GLIPR1L1: variants seen among roughly 807,000 people sequenced by gnomAD.
GLIPR1L1 encodes the protein GLIPR1 like 1.
Under a neutral mutation model 29.9 loss-of-function variants are expected in GLIPR1L1, and 26 were observed. The ratio of observed to expected loss-of-function variants is 0.87; its 90% confidence interval spans 0.64 to 1.21. The LOEUF is 1.21. Ranked by LOEUF, GLIPR1L1 falls within the 50% of genes most tolerant of loss-of-function variation. The pLI is 0.00. For synonymous variants in GLIPR1L1, 77 were observed against 97.5 expected (o/e 0.79, Z 1.24); for missense variants, 305 against 290.3 (o/e 1.05, Z -0.37).
At chr12:75,334,936 C>T in intron 1 of GLIPR1L1, 34 bp downstream of exon 1, 1 of 1,577,470 alleles carries the variant, frequency 6.3e-7, no homozygotes, top group Non-Finnish European at 8.7e-7. Flanking sequence ...TCTTAAATCC[C>T]TGACTCATCC....
chr12:75,364,493 G>A (rs909483228), intron 4 of GLIPR1L1, among the ~76,000 whole-genome samples: 2 of 152,214 alleles, frequency 1.3e-5, no homozygotes, highest in Non-Finnish European at 2.9e-5. Flanking sequence ...AAGGGACCTA[G>A]ATCCAAAAAC....
At chr12:75,350,880 T>A (rs891876013) in intron 3 of GLIPR1L1, among the ~76,000 whole-genome samples, 7 of 152,162 alleles carry the variant, frequency 4.6e-5, no homozygotes, top group Non-Finnish European at 1.0e-4. Context: ...GTTCAGAAGA[T>A]GCATAATAAT....
rs528909914 is a variant in GLIPR1L1, at chr12:75,340,055, T to C, written c.175-3638T>C. ...ATTAGAATAATGGTCTCCAACTCCA[T>C]CCAGGTTGCTGCAAATGCCATTATT... On this transcript the variant is annotated intron_variant, in intron 1 of 5. Coordinates refer to ENST00000378695, the MANE Select transcript of GLIPR1L1 (RefSeq NM_001304964.2). Among the ~76,000 whole-genome samples, 15 of 152,136 alleles carry C rather than the reference T, an allele frequency of 9.9e-5. No homozygotes were observed. The South Asian group carries it at 2.7e-3, about 27-fold the overall frequency.
At chr12:75,342,604 T>C (rs2042192064) in intron 1 of GLIPR1L1, among the ~76,000 whole-genome samples, 1 of 152,178 alleles carries the variant, frequency 6.6e-6, no homozygotes, top group Non-Finnish European at 1.5e-5. Flanking sequence ...TTATGATAAA[T>C]ATTGATATCT....
At chr12:75,337,919 T>G (rs2041847968) in intron 1 of GLIPR1L1, among the ~76,000 whole-genome samples, 1 of 152,100 alleles carries the variant, frequency 6.6e-6, no homozygotes, top group African/African-American at 2.4e-5. Flanking sequence ...ACAGGGATAT[T>G]TAACCAATGT....
chr12:75,361,476 C>T (rs2043588086), intron 3 of GLIPR1L1, among the ~76,000 whole-genome samples: 1 of 152,190 alleles, frequency 6.6e-6, no homozygotes, highest in African/African-American at 2.4e-5. Flanking sequence ...CTGCCTCCTG[C>T]CACTCTCAAC....
rs576238277 is a variant in GLIPR1L1, at chr12:75,370,366, C to A, written c.*190C>A. ...AAAATGGATAGCAGTAGAATAAAGT[C>A]TTAAGATTATTTTTTAATTACAAAT... is the stretch of plus-strand genomic sequence containing the variant. On this transcript the variant is annotated 3_prime_UTR_variant, in exon 6 of 6. Transcript: ENST00000378695. 5 of 446,920 alleles carry A rather than the reference C, an allele frequency of 1.1e-5. No homozygotes were observed. The highest frequency in any genetic ancestry group is 9.8e-5 in the East Asian group (3 of 30,744). The allele number at this position is 446,920 out of a possible 1,614,324, so 27.7% of individuals were successfully genotyped here.
intron 3 of GLIPR1L1, among the ~76,000 whole-genome samples, chr12:75,357,791 G>C (rs2043249343): frequency 6.6e-6 from 1 of 151,698 alleles, no homozygotes; most frequent in African/African-American, 2.4e-5. Context: ...AAAGAAGTTA[G>C]AAAGTATGCT....
chr12:75,352,755 ATCACTCCTCAG>A (rs1275741998), intron 3 of GLIPR1L1, among the ~76,000 whole-genome samples: 1 of 152,224 alleles, frequency 6.6e-6, no homozygotes, highest in African/African-American at 2.4e-5. Context: ...TTGGAAGTAA[ATCACTCCTCAG>A]CAAATGCAAA....
At chr12:75,347,282 T>C (rs76503544) in intron 2 of GLIPR1L1, among the ~76,000 whole-genome samples, 5,990 of 152,194 alleles carry the variant, frequency 0.039, 137 homozygotes, top group East Asian at 0.052. Context: ...TTTCATATTG[T>C]TTGTATGATA....
chr12:75,358,037 G>C (rs1298094953), intron 3 of GLIPR1L1, among the ~76,000 whole-genome samples: 1 of 148,202 alleles, frequency 6.7e-6, no homozygotes, highest in East Asian at 2.0e-4. Context: ...CAGAAAAACA[G>C]TTAAAAACAT....
chr12:75,368,364 A>AT (rs1226781354), intron 4 of GLIPR1L1, among the ~76,000 whole-genome samples: 1 of 149,584 alleles, frequency 6.7e-6, no homozygotes, highest in Non-Finnish European at 1.5e-5. Flanking sequence ...AACTTTAACA[A>AT]TTTTTTCCTG....
chr12:75,359,933 G>A (rs1177293066), intron 3 of GLIPR1L1: 2 of 152,084 alleles, frequency 1.3e-5, no homozygotes, highest in Non-Finnish European at 2.9e-5. Context: ...CATAGCTAGG[G>A]AGGCCTCAGA....
At chr12:75,343,340 T>C (rs1165649549) in intron 1 of GLIPR1L1, among the ~76,000 whole-genome samples, 1 of 152,050 alleles carries the variant, frequency 6.6e-6, no homozygotes, top group Non-Finnish European at 1.5e-5. Flanking sequence ...TAATTATCAA[T>C]GAGTATTCAT....
intron 4 of GLIPR1L1, among the ~76,000 whole-genome samples, chr12:75,365,680 A>G (rs886155951): frequency 6.6e-6 from 1 of 152,158 alleles, no homozygotes; most frequent in African/African-American, 2.4e-5. Context: ...ATTCTATTAC[A>G]TTTACCTCAT....
intron 4 of GLIPR1L1, among the ~76,000 whole-genome samples, chr12:75,367,268 GAAAAAAAAAAAA>G (rs35250320): frequency 2.3e-5 from 2 of 88,738 alleles, no homozygotes; most frequent in Non-Finnish European, 2.1e-5. Flanking sequence ...TTCCTAGGAG[GAAAAAAAAAAAA>G]AAAAAAAAAA....
chr12:75,335,144 T>C (rs982411536), intron 1 of GLIPR1L1, among the ~76,000 whole-genome samples: 3 of 152,172 alleles, frequency 2.0e-5, no homozygotes, highest in Non-Finnish European at 2.9e-5. Flanking sequence ...GGAGCAGTGT[T>C]TGGAAGTTGC....
At chr12:75,364,856 A>C (rs981150687) in intron 4 of GLIPR1L1, 39 of 152,274 alleles carry the variant, frequency 2.6e-4, no homozygotes, top group African/African-American at 8.9e-4. Flanking sequence ...CATAACTGGG[A>C]GTACCCAGGA....
intron 3 of GLIPR1L1, among the ~76,000 whole-genome samples, chr12:75,348,686 C>T (rs907877977): frequency 6.6e-6 from 1 of 152,036 alleles, no homozygotes; most frequent in African/African-American, 2.4e-5. Flanking sequence ...AAATTATGTA[C>T]GTAACAGATT....
Sources: allele counts gnomAD v4.1 joint callset (sites outside exome capture counted in the v4.1 genomes callset), GRCh38; gene constraint gnomAD v4.1.1; transcripts MANE v1.5; gene names NCBI Gene and HGNC (gene_info 2026-07-23, HGNC 2026-07-21).